LRRFIP2: variants seen among roughly 807,000 people sequenced by gnomAD.
LRRFIP2 encodes LRR binding FLII interacting protein 2.
LRRFIP2 carries 109 observed loss-of-function variants against 125.9 expected under a neutral mutation model. That is an observed-to-expected ratio of 0.87 (90% CI 0.74 to 1.01). LRRFIP2 has a LOEUF of 1.01. Ranked by LOEUF, LRRFIP2 falls within the 50% of genes least tolerant of loss-of-function variation. The pLI, the probability that LRRFIP2 is intolerant of heterozygous loss-of-function variation, is 0.00. For synonymous variants in LRRFIP2, 291 were observed against 293.1 expected, an observed-to-expected ratio of 0.99 and a Z score of 0.07; for missense variants, 850 against 862.3, an observed-to-expected ratio of 0.99 and a Z score of 0.18.
At chr3:37,071,468 G>A (rs1054582880) in intron 21 of LRRFIP2, among the ~76,000 whole-genome samples, 3 of 79,962 alleles carry the variant, frequency 3.8e-5, no homozygotes, top group African/African-American at 8.7e-5. Flanking sequence ...GGCCTCAAGC[G>A]ATCCTCCGTG....
intron 1 of LRRFIP2, chr3:37,174,265 G>A (rs536507851): frequency 6.6e-6 from 1 of 152,200 alleles, no homozygotes; most frequent in African/African-American, 2.4e-5. Context: ...AAGGGTAAGG[G>A]TATTAAGAAC....
chr3:37,072,394 CGGGAG>C (rs1434245269), intron 21 of LRRFIP2, among the ~76,000 whole-genome samples: 4 of 148,550 alleles, frequency 2.7e-5, no homozygotes, highest in Non-Finnish European at 5.9e-5. Context: ...CCCAGCTACT[CGGGAG>C]GCTGAGGCAG....
intron 1 of LRRFIP2, among the ~76,000 whole-genome samples, chr3:37,161,875 T>C (rs2096355885): frequency 6.6e-6 from 1 of 150,568 alleles, no homozygotes; most frequent in South Asian, 2.1e-4. Context: ...GGACTAACGT[T>C]CAAATAACTG....
intron 2 of LRRFIP2, among the ~76,000 whole-genome samples, chr3:37,148,094 C>T (rs1396005453): frequency 6.6e-6 from 1 of 152,074 alleles, no homozygotes; most frequent in Non-Finnish European, 1.5e-5. Context: ...ACTGCATAGC[C>T]CAATGAGTAT....
intron 13 of LRRFIP2, among the ~76,000 whole-genome samples, chr3:37,107,153 G>A (rs908548049): frequency 9.9e-5 from 15 of 151,698 alleles, no homozygotes; most frequent in African/African-American, 2.7e-4. Flanking sequence ...ATGTGCCCTC[G>A]GCCTCCCAAA....
At chr3:37,072,455 TCA>T (rs1453643127) in intron 21 of LRRFIP2, among the ~76,000 whole-genome samples, 33 of 129,102 alleles carry the variant, frequency 2.6e-4, no homozygotes. Flanking sequence ...TGAGCCGAGA[TCA>T]TGCCACTGCA....
intron 1 of LRRFIP2, among the ~76,000 whole-genome samples, chr3:37,165,853 G>GA (rs71635829): frequency 2.1e-5 from 3 of 141,606 alleles, no homozygotes; most frequent in Non-Finnish European, 4.7e-5. Context: ...AAGAAAGAAA[G>GA]AAAGAGAAAG....
intron 20 of LRRFIP2, among the ~76,000 whole-genome samples, chr3:37,073,645 G>A (rs575125452): frequency 1.3e-5 from 2 of 152,192 alleles, no homozygotes; most frequent in South Asian, 2.1e-4. Context: ...CATTCTAGAT[G>A]TAAAAAACAT....
intron 17 of LRRFIP2, 80 bp from the exon 18 acceptor site, chr3:37,091,618 G>T: frequency 9.8e-7 from 1 of 1,016,708 alleles, no homozygotes; most frequent in South Asian, 1.6e-5. Flanking sequence ...GATGAAATGT[G>T]ACTCACTTTT....
intron 23 of LRRFIP2, 174 bp from the exon 24 acceptor site, chr3:37,063,965 A>G (rs192033103): frequency 1.2e-4 from 66 of 564,948 alleles, no homozygotes; most frequent in South Asian, 8.8e-4. Context: ...GTTCTTAACT[A>G]TCTAAAAAGT....
rs143699047 is a variant in LRRFIP2 at position 37,078,524 on chromosome 3, A to G, written c.1279-3408T>C. Among the ~76,000 whole-genome samples, 143 of 152,262 alleles carry G rather than the reference A, an allele frequency of 9.4e-4. 4 individuals are homozygous for G. In the East Asian group the frequency reaches 0.02, roughly 22 times the overall value. On this transcript the variant is annotated intron_variant, in intron 19 of 27. Coordinates refer to ENST00000336686, the MANE Select transcript of LRRFIP2 (RefSeq NM_006309.4). The stretch of plus-strand genomic sequence containing the variant: ...GTAGGGGAAACAAACAAAGATACAG[A>G]TGTAAGACAGAAGAGGTTAAATAAC...
Position 37,129,145 on chromosome 3 carries a change from TCTGC to T in LRRFIP2, c.91_94del (p.Ala31ArgfsTer19). 6.2e-7 allele frequency: 1 copy of T among 1,613,698 alleles called. No homozygotes were observed. Among genetic ancestry groups the T allele is most frequent in the Non-Finnish European group, 8.5e-7 (1 of 1,179,930 alleles). ...AGCCCGTTTTGCTGCCAGCCTTGCCTCTGCCTGAAAAGTAATATAAAACTCAGCT... is the reference window on the plus strand; with the variant it reads ...AGCCCGTTTTGCTGCCAGCCTTGCCTCTGAAAAGTAATATAAAACTCAGCT... On this transcript the variant is annotated frameshift_variant and splice_region_variant, in exon 3 of 28. Coordinates refer to ENST00000336686, the MANE Select transcript of LRRFIP2 (RefSeq NM_006309.4). LOFTEE classifies it high-confidence loss of function.
chr3:37,148,361 C>A (rs2095913452), intron 2 of LRRFIP2, among the ~76,000 whole-genome samples: 1 of 152,154 alleles, frequency 6.6e-6, no homozygotes, highest in African/African-American at 2.4e-5. Context: ...GCACTTAGGG[C>A]ACAAGCACCT....
chr3:37,161,179 TAA>T (rs60688555), intron 1 of LRRFIP2, among the ~76,000 whole-genome samples: 5 of 88,106 alleles, frequency 5.7e-5, no homozygotes, highest in African/African-American at 8.7e-5. Context: ...CCCCATCTAC[TAA>T]AAAAAAAAAA....
chr3:37,066,354 C>T (rs759163631), intron 21 of LRRFIP2, 29 bp from the exon 22 acceptor site: 9 of 1,553,514 alleles, frequency 5.8e-6, no homozygotes, highest in Admixed American at 1.7e-5. Flanking sequence ...GCAAGGGAAA[C>T]AATGGCACAG....
intron 25 of LRRFIP2, among the ~76,000 whole-genome samples, chr3:37,055,896 G>A (rs554687658): frequency 4.6e-5 from 7 of 152,272 alleles, no homozygotes; most frequent in African/African-American, 1.7e-4. Flanking sequence ...GTCCAATACT[G>A]TAAGGGTCCT....
At chr3:37,070,150 G>A (rs2090922530) in intron 21 of LRRFIP2, among the ~76,000 whole-genome samples, 1 of 132,346 alleles carries the variant, frequency 7.6e-6, no homozygotes, top group Non-Finnish European at 1.6e-5. Flanking sequence ...GTTTTGGTCT[G>A]TTGCCCAGGC....
chr3:37,165,808 AG>A (rs549367051), intron 1 of LRRFIP2, among the ~76,000 whole-genome samples: 57,688 of 141,298 alleles, frequency 0.41, 13,329 homozygotes, highest in Non-Finnish European at 0.48. Flanking sequence ...AAAGAAAGAA[AG>A]AAAGAAAGAA....
chr3:37,123,409 G>T (rs1050838708), intron 4 of LRRFIP2, among the ~76,000 whole-genome samples: 2 of 152,110 alleles, frequency 1.3e-5, no homozygotes, highest in African/African-American at 4.8e-5. Flanking sequence ...GGCTGGTCTC[G>T]AATTCCTGAC....
Sources: allele counts gnomAD v4.1 joint callset (sites outside exome capture counted in the v4.1 genomes callset), GRCh38; gene constraint gnomAD v4.1.1; transcripts MANE v1.5; gene names NCBI Gene and HGNC (gene_info 2026-07-23, HGNC 2026-07-21).